Variants in ATP8A2 observed in about 807,000 individuals in gnomAD.
ATP8A2 encodes ATPase phospholipid transporting 8A2, also known as phospholipid-transporting ATPase IB.
In ATP8A2, 100 loss-of-function variants were observed where a neutral mutation model predicts 165.6. The observed-to-expected ratio is 0.60, with a 90% CI of 0.51 to 0.71. ATP8A2 has a LOEUF of 0.71. ATP8A2 is among the 30% of genes least tolerant of loss of function. The pLI is 0.00. For synonymous variants in ATP8A2, 543 were observed against 548.8 expected (o/e 0.99, Z 0.15); for missense variants, 1,227 against 1,479.5 (o/e 0.83, Z 2.80).
chr13:25,542,051 T>C lies in ATP8A2; in HGVS notation c.779+5T>C. ...CTTGAACTTAGATGGGAAAAGGTAT[T>C]ATATGCCTTTTCTTCATTGTCTTTT... On this transcript the variant is annotated splice_donor_5th_base_variant and intron_variant, in intron 9 of 36. Transcript: ENST00000381655. The C allele has an allele frequency of 6.2e-7, 1 of 1,613,216 alleles. No individual in the cohort carries two copies. The highest frequency in any genetic ancestry group is 8.5e-7 in the Non-Finnish European group (1 of 1,179,370).
At chr13:25,819,772 G>T (rs1171889511) in intron 27 of ATP8A2, among the ~76,000 whole-genome samples, 3 of 151,734 alleles carry the variant, frequency 2.0e-5, no homozygotes, top group African/African-American at 7.3e-5. Flanking sequence ...TCCAGAAATA[G>T]AATTTCTAGA....
chr13:25,819,338 T>C (rs1951106893), intron 27 of ATP8A2, among the ~76,000 whole-genome samples: 1 of 152,186 alleles, frequency 6.6e-6, no homozygotes, highest in Admixed American at 6.5e-5. Flanking sequence ...CGGTATCCTC[T>C]CTGGTCTCCA....
intron 33 of ATP8A2, among the ~76,000 whole-genome samples, chr13:25,945,818 C>A (rs974960210): frequency 6.6e-6 from 1 of 152,192 alleles, no homozygotes; most frequent in East Asian, 1.9e-4. Flanking sequence ...ACGCCTGGTA[C>A]TGTGCTGCAG....
At chr13:25,718,120 C>T (rs1593242916) in intron 25 of ATP8A2, among the ~76,000 whole-genome samples, 1 of 152,090 alleles carries the variant, frequency 6.6e-6, no homozygotes, top group Non-Finnish European at 1.5e-5. Context: ...TGGCACTGGG[C>T]AGGTGATCAG....
In ATP8A2 at chr13:25,409,170, C is replaced by A. The variant is rs184634520; in HGVS notation, c.76+36882C>A. ...AGGCCTGCTTTCATCTCTTCTCAGC[C>A]CTGGTACATGCTGTCTACTGAAGTA... On this transcript the variant is annotated intron_variant, in intron 1 of 36. Transcript: ENST00000381655. Among the ~76,000 whole-genome samples, 6 of 152,250 alleles carry A rather than the reference C, an allele frequency of 3.9e-5. No homozygotes were observed. The East Asian group carries it at 1.2e-3, about 29-fold the overall frequency.
intron 33 of ATP8A2, among the ~76,000 whole-genome samples, chr13:25,864,588 G>A (rs762963422): frequency 1.8e-4 from 28 of 152,206 alleles, no homozygotes; most frequent in Non-Finnish European, 3.5e-4. Context: ...TCTACCATCC[G>A]AAAGCAAAGA....
intron 27 of ATP8A2, among the ~76,000 whole-genome samples, chr13:25,782,288 G>A (rs1221396469): frequency 4.6e-5 from 7 of 152,160 alleles, no homozygotes; most frequent in South Asian, 2.1e-4. Context: ...CTATGAGTGC[G>A]GTGTTAAAAT....
At chr13:25,794,138 G>C (rs1057352170) in intron 27 of ATP8A2, among the ~76,000 whole-genome samples, 14 of 152,234 alleles carry the variant, frequency 9.2e-5, no homozygotes, top group Non-Finnish European at 1.5e-5. Context: ...TGAGTTTAGA[G>C]CTGGCCTGAT....
intron 1 of ATP8A2, among the ~76,000 whole-genome samples, chr13:25,377,087 A>C (rs1242614129): frequency 6.6e-6 from 1 of 152,232 alleles, no homozygotes; most frequent in Admixed American, 6.5e-5. Context: ...AACCCTCCTC[A>C]GAGGTGCCAG....
chr13:25,957,395 C>T (rs140046444), intron 33 of ATP8A2, among the ~76,000 whole-genome samples: 6,491 of 152,178 alleles, frequency 0.043, 299 homozygotes, highest in African/African-American at 0.12. Context: ...CCAGTATCTA[C>T]AAGGAACTTA....
chr13:25,973,571 T>C (rs1955960558), intron 35 of ATP8A2, among the ~76,000 whole-genome samples: 1 of 152,132 alleles, frequency 6.6e-6, no homozygotes, highest in Admixed American at 6.5e-5. Flanking sequence ...AAACCAGTCG[T>C]ATTAAAAAAA....
chr13:25,608,086 G>A (rs904103443), intron 24 of ATP8A2, among the ~76,000 whole-genome samples: 7 of 152,270 alleles, frequency 4.6e-5, no homozygotes, highest in African/African-American at 1.7e-4. Flanking sequence ...ACCTGTGCTT[G>A]GGTAATTTAT....
At chr13:25,753,345 A>C (rs1251514814) in intron 25 of ATP8A2, among the ~76,000 whole-genome samples, 1 of 152,196 alleles carries the variant, frequency 6.6e-6, no homozygotes, top group Non-Finnish European at 1.5e-5. Context: ...CCCCCAGCTC[A>C]GTGCTGACTC....
intron 1 of ATP8A2, among the ~76,000 whole-genome samples, chr13:25,454,076 C>T (rs989498174): frequency 6.6e-6 from 1 of 152,104 alleles, no homozygotes. Flanking sequence ...TAAACTGGCA[C>T]TGTGGAATGT....
chr13:25,860,817 C>T lies in ATP8A2; in HGVS notation c.3032C>T (p.Thr1011Ile). The change falls in exon 32 of 37, where the codon ACT (threonine) becomes ATT (isoleucine). Residue 1011 changes from threonine to isoleucine, a missense_variant. Around this residue, in one of 5 missense-constraint regions of ATP8A2, gnomAD observed 260 missense variants for 245.1 expected, o/e 1.06. Coordinates refer to ENST00000381655, the MANE Select transcript of ATP8A2 (RefSeq NM_016529.6). ...GNIVYTYVVV[T>I]VCLKAGLETT... ...TTATTTTCACAGTATGTTGTTGTTA[C>T]TGTTTGTCTGAAAGCTGGTTTGGAG... The T allele has an allele frequency of 6.3e-7, 1 of 1,596,772 alleles. No homozygotes were observed. Among genetic ancestry groups the T allele is most frequent in the Non-Finnish European group, 8.6e-7 (1 of 1,169,332 alleles).
chr13:25,494,519 G>A (rs2036616285), intron 2 of ATP8A2, among the ~76,000 whole-genome samples: 1 of 152,204 alleles, frequency 6.6e-6, no homozygotes. Context: ...TATATGAAAA[G>A]AGAGGAGACT....
intron 27 of ATP8A2, among the ~76,000 whole-genome samples, chr13:25,823,562 T>A (rs1368053826): frequency 6.6e-6 from 1 of 152,212 alleles, no homozygotes; most frequent in Non-Finnish European, 1.5e-5. Context: ...TAAGGACTTG[T>A]AAACATCTTT....
rs528008864 is a variant in ATP8A2, at chr13:25,795,553, G to C, written c.2679+20594G>C. On this transcript the variant is annotated intron_variant, in intron 27 of 36. Transcript: ENST00000381655. ...TAAGTGAGCTTTTCTCAGAAATATA[G>C]TAATAAGGAGAAGAGTTGCTATTTC... 5.9e-4 allele frequency among the ~76,000 whole-genome samples: 90 copies of C among 152,320 alleles called. 1 individual carries two copies. The highest frequency in any genetic ancestry group is 2.0e-3 in the African/African-American group (85 of 41,576).
chr13:25,856,878 A>G (rs1952180828), intron 30 of ATP8A2, among the ~76,000 whole-genome samples: 1 of 152,236 alleles, frequency 6.6e-6, no homozygotes, highest in African/African-American at 2.4e-5. Flanking sequence ...TAACACGACT[A>G]GTATCATCCT....
Sources: allele counts gnomAD v4.1 joint callset (sites outside exome capture counted in the v4.1 genomes callset), GRCh38; gene constraint gnomAD v4.1.1; regional missense constraint gnomAD v4.1.1; transcripts MANE v1.5; gene names NCBI Gene and HGNC (gene_info 2026-07-23, HGNC 2026-07-21).